Variants in MLIP observed in about 807,000 individuals in gnomAD.
The protein encoded by MLIP is muscular LMNA interacting protein, also known as muscular LMNA-interacting protein.
MLIP carries 79 observed loss-of-function variants against 84.8 expected under a neutral mutation model. The ratio of observed to expected loss-of-function variants is 0.93; its 90% CI spans 0.78 to 1.12. MLIP has a LOEUF of 1.12. MLIP is among the 50% of genes most tolerant of loss of function. The pLI, the probability that MLIP is intolerant of heterozygous loss-of-function variation, is 0.00. For missense variants in MLIP, 1,257 were observed against 1,160.6 expected, an observed-to-expected ratio of 1.08 and a Z score of -1.21; for synonymous variants, 504 against 463.0, an observed-to-expected ratio of 1.09 and a Z score of -1.14.
chr6:54,234,438 C>T (rs1229851574), intron 12 of MLIP, among the ~76,000 whole-genome samples: 4 of 152,132 alleles, frequency 2.6e-5, no homozygotes, highest in African/African-American at 4.8e-5. Context: ...TCTCCAAAAT[C>T]GTCCATTCTT....
chr6:54,020,323 T>C lies in MLIP; in HGVS notation c.63+1232T>C, dbSNP rs201875394. Among the ~76,000 whole-genome samples the C allele has an allele frequency of 8.5e-5, 13 of 152,330 alleles. 1 individual carries two copies. In the East Asian group the frequency reaches 2.5e-3, roughly 29 times the overall value. Reference sequence around the variant, plus strand: ...AGCCTAAGCCTATTTTTAAACTGTTTTTGGTCTGATTCACTTAAAAAGCAC... The same window carrying C: ...AGCCTAAGCCTATTTTTAAACTGTTCTTGGTCTGATTCACTTAAAAAGCAC... On this transcript the variant is annotated intron_variant, in intron 1 of 12. Coordinates refer to the MLIP transcript ENST00000274897.
chr6:54,243,896 C>A (rs552889874), intron 12 of MLIP, among the ~76,000 whole-genome samples: 25 of 152,262 alleles, frequency 1.6e-4, no homozygotes, highest in African/African-American at 4.8e-4. Context: ...AAGTGACATA[C>A]CCAAGGCCAT....
intron 9 of MLIP, among the ~76,000 whole-genome samples, chr6:54,180,501 G>A (rs1776743125): frequency 6.6e-6 from 1 of 152,072 alleles, no homozygotes; most frequent in Non-Finnish European, 1.5e-5. Context: ...TTCTAAATAT[G>A]GAAGGTGTGC....
At chr6:54,148,359 C>A (rs1773077849) in intron 4 of MLIP, among the ~76,000 whole-genome samples, 1 of 152,122 alleles carries the variant, frequency 6.6e-6, no homozygotes, top group South Asian at 2.1e-4. Context: ...CAACACTGAA[C>A]TGTATTATTC....
intron 1 of MLIP, among the ~76,000 whole-genome samples, chr6:54,101,080 T>G (rs1582142037): frequency 1.3e-5 from 2 of 152,280 alleles, no homozygotes; most frequent in South Asian, 4.1e-4. Context: ...TTTAGATCAA[T>G]TAACTTGCCA....
At chr6:54,218,262 A>G (rs1779982118) in intron 11 of MLIP, among the ~76,000 whole-genome samples, 1 of 152,218 alleles carries the variant, frequency 6.6e-6, no homozygotes, top group Non-Finnish European at 1.5e-5. Flanking sequence ...ACAAACCTGT[A>G]CAGCATATTA....
At chr6:54,111,628 G>C (rs570388463) in intron 1 of MLIP, 53 bp downstream of exon 1, 2 of 1,511,300 alleles carry the variant, frequency 1.3e-6, no homozygotes, top group South Asian at 1.2e-5. Flanking sequence ...AGCAGTGTAC[G>C]GTGCTGGTGG....
At chr6:54,238,906 G>A (rs932349869) in intron 12 of MLIP, among the ~76,000 whole-genome samples, 1 of 152,080 alleles carries the variant, frequency 6.6e-6, no homozygotes, top group Non-Finnish European at 1.5e-5. Context: ...ATCTTTGTGT[G>A]TTGTTTGTAA....
chr6:54,236,979 T>C (rs565938176), intron 12 of MLIP, among the ~76,000 whole-genome samples: 2 of 152,218 alleles, frequency 1.3e-5, no homozygotes, highest in South Asian at 2.1e-4. Flanking sequence ...AGAAATGGTT[T>C]AGTATTCACG....
chr6:54,072,177 A>G (rs1351214190), intron 1 of MLIP, among the ~76,000 whole-genome samples: 2 of 152,142 alleles, frequency 1.3e-5, no homozygotes, highest in African/African-American at 4.8e-5. Flanking sequence ...GAAGGACCCC[A>G]TGAGGAACTG....
intron 1 of MLIP, chr6:54,047,647 G>A (rs761658080): frequency 5.9e-5 from 9 of 152,172 alleles, no homozygotes; most frequent in Non-Finnish European, 8.8e-5. Context: ...CTGACCTATC[G>A]ACGTGATGTC....
At chr6:54,210,693 C>T (rs1286200232) in intron 11 of MLIP, among the ~76,000 whole-genome samples, 1 of 140,588 alleles carries the variant, frequency 7.1e-6, no homozygotes, top group Non-Finnish European at 1.5e-5. Flanking sequence ...GACTATGATG[C>T]CCCTGTGTGC....
At chr6:54,205,267 A>G (rs2150724552) in intron 11 of MLIP, among the ~76,000 whole-genome samples, 1 of 152,342 alleles carries the variant, frequency 6.6e-6, no homozygotes, top group East Asian at 1.9e-4. Flanking sequence ...ACTCAAATTC[A>G]TTTCTAGTCA....
intron 1 of MLIP, among the ~76,000 whole-genome samples, chr6:54,026,571 T>C (rs1466066559): frequency 3.3e-5 from 5 of 152,120 alleles, no homozygotes; most frequent in Non-Finnish European, 4.4e-5. Context: ...TGAGGATCAT[T>C]GGGAAATTGC....
At chr6:54,205,828 G>T (rs183855732) in intron 11 of MLIP, among the ~76,000 whole-genome samples, 1 of 151,956 alleles carries the variant, frequency 6.6e-6, no homozygotes, top group Non-Finnish European at 1.5e-5. Context: ...AATTGTCTTC[G>T]TTCATTATTA....
intron 1 of MLIP, among the ~76,000 whole-genome samples, chr6:54,116,018 T>G (rs1465147645): frequency 1.3e-5 from 2 of 152,124 alleles, no homozygotes; most frequent in Non-Finnish European, 2.9e-5. Flanking sequence ...TTTTGAGAGT[T>G]GGAGCAGGGT....
intron 8 of MLIP, among the ~76,000 whole-genome samples, chr6:54,161,033 G>T (rs141661186): frequency 0.011 from 1,626 of 151,918 alleles, 34 homozygotes; most frequent in African/African-American, 0.036. Context: ...TGTATACAGG[G>T]TTGCAAAGTA....
intron 9 of MLIP, among the ~76,000 whole-genome samples, chr6:54,171,820 A>G (rs1032040546): frequency 4.0e-5 from 6 of 151,510 alleles, no homozygotes; most frequent in South Asian, 2.1e-4. Context: ...TAATTAATTT[A>G]TCACTATATA....
At chr6:54,096,308 T>C (rs893311770) in intron 1 of MLIP, among the ~76,000 whole-genome samples, 1 of 152,180 alleles carries the variant, frequency 6.6e-6, no homozygotes, top group Non-Finnish European at 1.5e-5. Flanking sequence ...ATACTTACTA[T>C]AGGTTTATTA....
Sources: allele counts gnomAD v4.1 joint callset (sites outside exome capture counted in the v4.1 genomes callset), GRCh38; gene constraint gnomAD v4.1.1; transcripts MANE v1.5; gene names NCBI Gene and HGNC (gene_info 2026-07-23, HGNC 2026-07-21).